Variants in NUMA1 observed in about 807,000 individuals in gnomAD.
NUMA1 encodes the protein SP-H antigen.
Under a neutral mutation model 237.1 loss-of-function variants are expected in NUMA1, and 62 were observed. The observed-to-expected ratio is 0.26, with a 90% CI of 0.21 to 0.32. The LOEUF is 0.32. Ranked by LOEUF, NUMA1 falls within the 10% of genes least tolerant of loss-of-function variation. The pLI is 1.00. For synonymous variants in NUMA1, 1,028 were observed against 1,066.1 expected (o/e 0.96, Z 0.70); for missense variants, 2,533 against 2,666.5 (o/e 0.95, Z 1.10).
chr11:72,031,807 C>T (rs946701446), intron 3 of NUMA1, among the ~76,000 whole-genome samples: 4 of 151,312 alleles, frequency 2.6e-5, no homozygotes, highest in African/African-American at 9.7e-5. Flanking sequence ...GATTGAGACC[C>T]TGTCTCAAAA....
chr11:72,037,397 T>C (rs1357840782), intron 2 of NUMA1, among the ~76,000 whole-genome samples: 1 of 151,986 alleles, frequency 6.6e-6, no homozygotes, highest in Non-Finnish European at 1.5e-5. Context: ...TCCCAGCTAC[T>C]CGGGAGGCTG....
intron 2 of NUMA1, among the ~76,000 whole-genome samples, chr11:72,045,008 A>T (rs565635428): frequency 6.6e-6 from 1 of 152,204 alleles, no homozygotes; most frequent in African/African-American, 2.4e-5. Flanking sequence ...GTGATAAGAA[A>T]AATGTAACTA....
chr11:72,063,107 G>T (rs1485055728), intron 2 of NUMA1, among the ~76,000 whole-genome samples: 1 of 152,070 alleles, frequency 6.6e-6, no homozygotes, highest in Non-Finnish European at 1.5e-5. Flanking sequence ...TGGGCCAGGT[G>T]TGGTGGTGGC....
intron 2 of NUMA1, among the ~76,000 whole-genome samples, chr11:72,040,307 A>G (rs1941508662): frequency 1.3e-5 from 2 of 152,328 alleles, no homozygotes; most frequent in South Asian, 2.1e-4. Context: ...TGGTTTCTTC[A>G]AAAGTGGCTT....
rs1335335363 is a variant in NUMA1, at chr11:72,015,277, C to G, written c.2226G>C (p.Glu742Asp). The change falls in exon 15 of 27, where the codon GAG (glutamate) becomes GAC (aspartate). Residue 742 changes from glutamate to aspartate, a missense_variant. By Grantham distance (45) the Glu-to-Asp change is conservative (BLOSUM62 2). Around this residue, in one of 3 missense-constraint regions of NUMA1, gnomAD observed 1,414 missense variants for 1,508.1 expected, o/e 0.94. Coordinates refer to ENST00000393695, the MANE Select transcript of NUMA1 (RefSeq NM_006185.4). This position sits in a 1 kb window ranked among gnomAD's most constrained non-coding sequence, Gnocchi z 4.0. ...QQRCISELKAETRSLVEQHKR... is the reference protein window; with the variant it reads ...QQRCISELKADTRSLVEQHKR... ...TATGCTGCTCCACCAGGCTTCGGGTCTCTGCCTTCAGCTCAGAGATACAAC... is the reference window on the plus strand; with the variant it reads ...TATGCTGCTCCACCAGGCTTCGGGTGTCTGCCTTCAGCTCAGAGATACAAC... 6.2e-7 allele frequency: 1 copy of G among 1,613,568 alleles called. No homozygotes were observed. The highest frequency in any genetic ancestry group is 8.5e-7 in the Non-Finnish European group (1 of 1,180,036).
At position 72,011,875 on chromosome 11, in the gene NUMA1, C is replaced by T. The variant is rs562385361; in HGVS notation, c.4650+526G>A. ...GCTACAGACATCTCTATGCTGTGCTCGGGGTTAGAGCCCCAGAAAGTGATG... is the reference window on the plus strand; with the variant it reads ...GCTACAGACATCTCTATGCTGTGCTTGGGGTTAGAGCCCCAGAAAGTGATG... On this transcript the variant is annotated intron_variant, in intron 16 of 26. Coordinates refer to ENST00000393695, the MANE Select transcript of NUMA1 (RefSeq NM_006185.4). Among the ~76,000 whole-genome samples, 24 of 152,218 alleles carry T rather than the reference C, an allele frequency of 1.6e-4. No individual in the cohort carries two copies. The South Asian group carries it at 2.7e-3, about 17-fold the overall frequency.
In NUMA1 at chr11:72,003,362, AGGACCAG is replaced by A. The variant is rs1231835907; in HGVS notation, c.*158_*164del. On this transcript the variant is annotated 3_prime_UTR_variant, in exon 27 of 27. Transcript: ENST00000393695. ...GCCAGCTCCGAGAAGGCGCCAGTGA[AGGACCAG>A]GGACCAGGCCAGGGTGCGGGCAGGC... The A allele has an allele frequency of 4.6e-5, 32 of 693,890 alleles. No homozygotes were observed. Among genetic ancestry groups the A allele is most frequent in the Non-Finnish European group, 7.2e-5 (28 of 387,284 alleles). 43.0% of individuals were successfully genotyped at this position (693,890 alleles called of 1,614,324 possible).
At chr11:72,006,849 G>C (rs1052651387) in intron 21 of NUMA1, among the ~76,000 whole-genome samples, 1 of 152,192 alleles carries the variant, frequency 6.6e-6, no homozygotes, top group African/African-American at 2.4e-5. Context: ...CAGTCCACTG[G>C]GCAGCAACAA....
chr11:72,045,528 A>G (rs757633467), intron 2 of NUMA1, among the ~76,000 whole-genome samples: 9 of 152,190 alleles, frequency 5.9e-5, no homozygotes, highest in Non-Finnish European at 1.0e-4. Flanking sequence ...CCCAGGCTTG[A>G]GTGCAAGTGG....
Position 72,037,588 on chromosome 11 carries a change from G to C in NUMA1, c.-32-1613C>G, listed in dbSNP as rs74903829. On this transcript the variant is annotated intron_variant, in intron 2 of 26. Transcript: ENST00000393695. ...AGACAATGACATGGTCCTTGCCTTTGAGGGGCTTATAGCAGGGTAGGGAGT... is the reference window on the plus strand; with the variant it reads ...AGACAATGACATGGTCCTTGCCTTTCAGGGGCTTATAGCAGGGTAGGGAGT... Among the ~76,000 whole-genome samples, 116 of 152,358 alleles carry C rather than the reference G, an allele frequency of 7.6e-4. No homozygotes were observed. The East Asian group carries it at 0.014, about 19-fold the overall frequency.
At chr11:72,061,493 T>TTC (rs1450387383) in intron 2 of NUMA1, among the ~76,000 whole-genome samples, 7 of 144,202 alleles carry the variant, frequency 4.9e-5, no homozygotes, top group Non-Finnish European at 1.5e-5. Flanking sequence ...TTCTTTTTTT[T>TTC]TTTTTTTTTT....
At chr11:72,038,020 A>C (rs1409506596) in intron 2 of NUMA1, among the ~76,000 whole-genome samples, 2 of 152,154 alleles carry the variant, frequency 1.3e-5, no homozygotes, top group Admixed American at 6.5e-5. Flanking sequence ...TGGGGCGGCA[A>C]CAGCCAGACA....
At chr11:72,016,758 C>T in intron 13 of NUMA1, 1 of 537,858 alleles carries the variant, frequency 1.9e-6, no homozygotes, top group Non-Finnish European at 3.3e-6. Flanking sequence ...CTGCTTACTA[C>T]TTCCCCAAGG....
At chr11:72,033,527 C>T (rs1275027000) in intron 3 of NUMA1, among the ~76,000 whole-genome samples, 1 of 151,946 alleles carries the variant, frequency 6.6e-6, no homozygotes, top group Non-Finnish European at 1.5e-5. Context: ...AGCACACCAC[C>T]ACACCCAGCT....
rs11826059 is a variant in NUMA1 at position 72,008,249 on chromosome 11, T to C, written c.5216+439A>G. 1.1e-3 allele frequency: 440 copies of C among 389,838 alleles called. 2 individuals carry two copies. The highest frequency in any genetic ancestry group is 8.2e-3 in the African/African-American group (389 of 47,718). 24.1% of individuals were successfully genotyped at this position (389,838 alleles called of 1,614,324 possible). A position where few individuals can be genotyped will look rare whatever the true frequency, so the allele number is the denominator to read the frequency against. On this transcript the variant is annotated intron_variant, in intron 20 of 26. Transcript: ENST00000393695. ...ATCTTTTTAAGATGCAAATTAACCA[T>C]GTACTCTTCAGTTTCAAATTCTTCC...
Position 72,014,251 on chromosome 11 carries a change from C to T in NUMA1, c.3252G>A (p.Arg1084=). The change falls in exon 15 of 27, where the codon CGG becomes CGA. Residue 1084 remains arginine, a synonymous_variant. Transcript: ENST00000393695. This position sits in a 1 kb window ranked among gnomAD's most constrained non-coding sequence, Gnocchi z 4.6. ...AAQIKELEEL[R]QTVKQLKEQL... is the part of the protein sequence containing the mutation. ...GTTCCTTCAGTTGCTTCACGGTTTG[C>T]CGAAGTTCCTCCAGCTCTTTTATCT... The T allele has an allele frequency of 6.2e-7, 1 of 1,613,972 alleles. No homozygotes were observed. The highest frequency in any genetic ancestry group is 8.5e-7 in the Non-Finnish European group (1 of 1,180,052).
intron 3 of NUMA1, among the ~76,000 whole-genome samples, chr11:72,030,780 T>C (rs948562584): frequency 1.3e-5 from 2 of 152,354 alleles, no homozygotes; most frequent in African/African-American, 2.4e-5. Flanking sequence ...CTAGATTCTA[T>C]TGCTTACAAA....
chr11:72,071,058 G>C (rs953091265), intron 1 of NUMA1, among the ~76,000 whole-genome samples: 1 of 152,186 alleles, frequency 6.6e-6, no homozygotes, highest in African/African-American at 2.4e-5. Context: ...GGAAGATACA[G>C]AACCCTCAAA....
Position 72,013,020 on chromosome 11 carries a change from G to T in NUMA1, c.4483C>A (p.Gln1495Lys). The change falls in exon 15 of 27, where the codon CAG becomes AAG. Residue 1495 changes from glutamine to lysine, a missense_variant. Coordinates refer to ENST00000393695, the MANE Select transcript of NUMA1 (RefSeq NM_006185.4). The surrounding 1 kb of genome is among the most constrained non-coding windows in gnomAD (Gnocchi z 6.8). ...CGGGCAGTGCTCTGTGCTTCTCGCT[G>T]CACCTCAGCCAGACGGGTCTCAGCA... is the stretch of plus-strand genomic sequence containing the variant. ...ADAETRLAEV[Q>K]REAQSTAREL... is the part of the protein sequence containing the mutation. 1 of 1,614,122 alleles carries T rather than the reference G, an allele frequency of 6.2e-7. No homozygotes were observed. The highest frequency in any genetic ancestry group is 1.1e-5 in the South Asian group (1 of 91,076).
Sources: allele counts gnomAD v4.1 joint callset (sites outside exome capture counted in the v4.1 genomes callset), GRCh38; gene constraint gnomAD v4.1.1; regional missense constraint gnomAD v4.1.1; non-coding constraint Gnocchi (gnomAD v3.1); transcripts MANE v1.5; gene names NCBI Gene and HGNC (gene_info 2026-07-23, HGNC 2026-07-21).